The following SYN3 variants were observed in gnomAD, a reference collection of about 807,000 sequenced individuals.
SYN3 encodes the protein synapsin-3.
In SYN3, 35 loss-of-function variants were observed where a neutral mutation model predicts 65.8. The observed-to-expected ratio is 0.53, with a 90% CI of 0.41 to 0.70. The LOEUF (loss-of-function observed/expected upper bound fraction) is 0.70. Among genes scored for constraint, SYN3 ranks in the 30% least tolerant of loss-of-function variants. SYN3 has a pLI of 0.00. For missense variants in SYN3, 680 were observed against 749.0 expected (o/e 0.91, Z 1.08); for synonymous variants, 270 against 292.9 (o/e 0.92, Z 0.80).
At chr22:32,871,980 A>G (rs1569292673) in intron 4 of SYN3, among the ~76,000 whole-genome samples, 1 of 152,012 alleles carries the variant, frequency 6.6e-6, no homozygotes, top group Non-Finnish European at 1.5e-5. Flanking sequence ...CACAAGCCAC[A>G]CTGACCACCT....
chr22:32,887,717 T>C (rs2049331698), intron 4 of SYN3, among the ~76,000 whole-genome samples: 1 of 152,258 alleles, frequency 6.6e-6, no homozygotes, highest in African/African-American at 2.4e-5. Flanking sequence ...AGCATTCCCT[T>C]ATGTGCATGT....
intron 7 of SYN3, among the ~76,000 whole-genome samples, chr22:32,545,577 G>A (rs1026244979): frequency 6.6e-6 from 1 of 150,980 alleles, no homozygotes; most frequent in Admixed American, 6.6e-5. Flanking sequence ...CTTTTTTTTT[G>A]AGACAGTCTC....
At chr22:32,890,072 C>CTTTTTTTTTT (rs5845051) in intron 4 of SYN3, among the ~76,000 whole-genome samples, 6 of 58,296 alleles carry the variant, frequency 1.0e-4, no homozygotes, top group Non-Finnish European at 1.8e-4. Flanking sequence ...GATTTAGCTG[C>CTTTTTTTTTT]TTTTTTTTTT....
At chr22:32,782,389 A>G (rs1386237389) in intron 6 of SYN3, among the ~76,000 whole-genome samples, 1 of 152,012 alleles carries the variant, frequency 6.6e-6, no homozygotes, top group Non-Finnish European at 1.5e-5. Flanking sequence ...TTTAGTAGAC[A>G]TGGGGCTTCA....
chr22:32,510,589 C>T lies in SYN3; in HGVS notation c.*3103G>A, dbSNP rs1227897545. On this transcript the variant is annotated 3_prime_UTR_variant, in exon 14 of 14. Transcript: ENST00000358763. ...CCCGTTTATTCAGGATGTCACACAG[C>T]ATTATTTATTAATATTTGAAAGGTC... Among the ~76,000 whole-genome samples the T allele has an allele frequency of 1.3e-5, 2 of 152,140 alleles. No homozygotes were observed.
intron 4 of SYN3, among the ~76,000 whole-genome samples, chr22:32,888,170 G>C (rs1170674218): frequency 6.6e-6 from 1 of 152,036 alleles, no homozygotes; most frequent in Non-Finnish European, 1.5e-5. Context: ...ACCATCCCTA[G>C]GGATGTTTTA....
intron 4 of SYN3, among the ~76,000 whole-genome samples, chr22:32,876,988 T>C (rs1294933906): frequency 6.6e-6 from 1 of 152,240 alleles, no homozygotes; most frequent in Non-Finnish European, 1.5e-5. Flanking sequence ...GATAGATAGA[T>C]AGATATGAGA....
chr22:32,858,219 G>A lies in SYN3; in HGVS notation c.711+6696C>T. The A allele has an allele frequency of 1.3e-5, 21 of 1,585,952 alleles. No individual in the cohort carries two copies. The South Asian group carries it at 1.8e-4, about 14-fold the overall frequency. ...AACATCAGCTCCCAATGCACTGGGT[G>A]CCAGGCCCTCGGCTGGGAAGGGTAT... On this transcript the variant is annotated intron_variant, in intron 6 of 13. Transcript: ENST00000358763.
At position 32,544,885 on chromosome 22, in the gene SYN3, A is replaced by G. The variant is rs1229484431; in HGVS notation, c.775-3172T>C. On this transcript the variant is annotated intron_variant, in intron 7 of 13. Transcript: ENST00000358763. ...GACAGCCCTGAGCACAGAGTGGGCT[A>G]CCTCGGAAGTGTCTAGCTGTCCACA... Among the ~76,000 whole-genome samples the G allele has an allele frequency of 5.9e-5, 9 of 152,168 alleles. No individual in the cohort carries two copies. In the South Asian group the frequency reaches 1.2e-3, roughly 21 times the overall value.
chr22:32,856,994 T>C (rs896828254), intron 6 of SYN3, among the ~76,000 whole-genome samples: 1 of 152,232 alleles, frequency 6.6e-6, no homozygotes, highest in African/African-American at 2.4e-5. Flanking sequence ...AAGATTTCAT[T>C]CTTTTTTCTG....
At chr22:32,544,681 G>A (rs1051216440) in intron 7 of SYN3, among the ~76,000 whole-genome samples, 9 of 152,280 alleles carry the variant, frequency 5.9e-5, no homozygotes, top group African/African-American at 1.9e-4. Flanking sequence ...TTCTTCCAAT[G>A]CCCCTTTGAT....
chr22:33,041,754 TC>T (rs2053968404), intron 1 of SYN3, among the ~76,000 whole-genome samples: 1 of 152,072 alleles, frequency 6.6e-6, no homozygotes, highest in East Asian at 1.9e-4. Context: ...TTTCATTCAC[TC>T]CAAAATCCCT....
chr22:32,834,212 G>A (rs1402982123), intron 6 of SYN3, among the ~76,000 whole-genome samples: 1 of 152,040 alleles, frequency 6.6e-6, no homozygotes, highest in African/African-American at 2.4e-5. Context: ...GAGTGCAGTG[G>A]CACGATCTCG....
chr22:32,765,768 T>C (rs915178585), intron 6 of SYN3, among the ~76,000 whole-genome samples: 2 of 152,008 alleles, frequency 1.3e-5, no homozygotes, highest in Non-Finnish European at 2.9e-5. Context: ...GATTGGGTGT[T>C]CAAAAAAAGA....
chr22:32,534,438 G>A (rs1022127239), intron 9 of SYN3, among the ~76,000 whole-genome samples: 3 of 151,920 alleles, frequency 2.0e-5, no homozygotes, highest in African/African-American at 4.8e-5. Flanking sequence ...GGCCCGGGGC[G>A]GGTGGGCTGG....
chr22:32,722,824 C>T (rs1266483051), intron 6 of SYN3, among the ~76,000 whole-genome samples: 1 of 152,178 alleles, frequency 6.6e-6, no homozygotes, highest in Non-Finnish European at 1.5e-5. Context: ...GAGTCCCTCC[C>T]TAGTAAAAGC....
At chr22:32,686,072 G>A (rs1440272088) in intron 6 of SYN3, among the ~76,000 whole-genome samples, 1 of 152,138 alleles carries the variant, frequency 6.6e-6, no homozygotes, top group African/African-American at 2.4e-5. Flanking sequence ...GGAATTACAA[G>A]AGGCTTTTAT....
At chr22:32,806,816 G>A (rs752778254) in intron 6 of SYN3, among the ~76,000 whole-genome samples, 10 of 151,540 alleles carry the variant, frequency 6.6e-5, no homozygotes, top group African/African-American at 1.5e-4. Context: ...ATCTAAAATC[G>A]GAGAAGAGTA....
chr22:32,975,350 A>G (rs35463351), intron 3 of SYN3, among the ~76,000 whole-genome samples: 35,760 of 149,756 alleles, frequency 0.24, 4,393 homozygotes, highest in Non-Finnish European at 0.27. Flanking sequence ...ACTCCAGCCC[A>G]GCGACAGAGT....
Sources: allele counts gnomAD v4.1 joint callset (sites outside exome capture counted in the v4.1 genomes callset), GRCh38; gene constraint gnomAD v4.1.1; transcripts MANE v1.5; gene names NCBI Gene and HGNC (gene_info 2026-07-23, HGNC 2026-07-21).